Variants in ZFPM2 observed in about 807,000 individuals in gnomAD.
ZFPM2 encodes zinc finger protein, FOG family member 2.
ZFPM2 carries 20 observed loss-of-function variants against 98.6 expected under a neutral mutation model. The observed-to-expected ratio is 0.20, with a 90% CI of 0.14 to 0.29. ZFPM2 has a LOEUF of 0.29. ZFPM2 is among the 10% of genes least tolerant of loss of function. The pLI is 1.00. For missense variants in ZFPM2, 1,310 were observed against 1,388.6 expected (o/e 0.94, Z 0.90); for synonymous variants, 518 against 502.7 (o/e 1.03, Z -0.41).
At chr8:105,673,187 C>CTTTTTTT (rs5893754) in intron 5 of ZFPM2, among the ~76,000 whole-genome samples, 4 of 87,524 alleles carry the variant, frequency 4.6e-5, no homozygotes, top group Admixed American at 1.4e-4. Context: ...AAATAGCATG[C>CTTTTTTT]TTTTTTTTTT....
At chr8:105,637,886 A>G (rs1193287014) in intron 5 of ZFPM2, among the ~76,000 whole-genome samples, 1 of 152,030 alleles carries the variant, frequency 6.6e-6, no homozygotes, top group African/African-American at 2.4e-5. Flanking sequence ...TGCCTATATT[A>G]TTTATTAATT....
At chr8:105,737,119 C>G (rs536671444) in intron 5 of ZFPM2, among the ~76,000 whole-genome samples, 1 of 152,072 alleles carries the variant, frequency 6.6e-6, no homozygotes, top group African/African-American at 2.4e-5. Flanking sequence ...CCATGTCAGA[C>G]TTGGAGAACA....
intron 1 of ZFPM2, among the ~76,000 whole-genome samples, chr8:105,358,963 G>GA (rs1812802552): frequency 6.6e-6 from 1 of 151,848 alleles, no homozygotes; most frequent in Non-Finnish European, 1.5e-5. Context: ...AAAAAGAAAA[G>GA]AAAAAAGAGC....
At chr8:105,362,802 T>C (rs186739850) in intron 1 of ZFPM2, among the ~76,000 whole-genome samples, 193 of 152,260 alleles carry the variant, frequency 1.3e-3, no homozygotes, top group African/African-American at 4.6e-3. Flanking sequence ...ATGTTACTGA[T>C]TGATTGCTAG....
chr8:105,801,341 T>C lies in ZFPM2; in HGVS notation c.1259T>C (p.Leu420Pro). The change falls in exon 8 of 8, where the codon CTT (leucine) becomes CCT (proline). Residue 420 changes from leucine (L) to proline (P), a missense_variant. By Grantham distance (98) the Leu-to-Pro change is moderately conservative. Transcript: ENST00000407775. ...PATDLLTRSE[L>P]PQSQKAMQTK... is the part of the protein sequence containing the mutation. The stretch of plus-strand genomic sequence containing the variant: ...ACAGACTTATTGACCAGAAGCGAAC[T>C]TCCCCAGAGCCAAAAGGCCATGCAG... 1 of 1,613,912 alleles carries C rather than the reference T, an allele frequency of 6.2e-7. No individual in the cohort carries two copies. Among genetic ancestry groups the C allele is most frequent in the Non-Finnish European group, 8.5e-7 (1 of 1,179,874 alleles).
intron 5 of ZFPM2, among the ~76,000 whole-genome samples, chr8:105,655,716 G>A (rs1817272381): frequency 6.6e-6 from 1 of 152,172 alleles, no homozygotes; most frequent in African/African-American, 2.4e-5. Flanking sequence ...TCAGAAGAGT[G>A]TCTATGGAAG....
chr8:105,437,819 G>A (rs1295924379), intron 2 of ZFPM2, among the ~76,000 whole-genome samples: 1 of 152,106 alleles, frequency 6.6e-6, no homozygotes, highest in Non-Finnish European at 1.5e-5. Context: ...CGGGTGAGTG[G>A]ATCACCAGAG....
intron 1 of ZFPM2, among the ~76,000 whole-genome samples, chr8:105,361,406 C>T (rs923400156): frequency 1.2e-4 from 18 of 149,242 alleles, no homozygotes; most frequent in African/African-American, 4.4e-4. Flanking sequence ...CGAAAATTTT[C>T]TCCCATTTTG....
At chr8:105,514,328 T>C (rs1307563506) in intron 3 of ZFPM2, among the ~76,000 whole-genome samples, 1 of 102,736 alleles carries the variant, frequency 9.7e-6, no homozygotes, top group Non-Finnish European at 2.1e-5. Flanking sequence ...TTTTTTTTTT[T>C]TTTTTTTTAA....
chr8:105,507,804 C>T (rs1198493646), intron 3 of ZFPM2, among the ~76,000 whole-genome samples: 1 of 152,102 alleles, frequency 6.6e-6, no homozygotes, highest in African/African-American at 2.4e-5. Context: ...GTAACCCCAC[C>T]ACTCCCTCCA....
intron 5 of ZFPM2, among the ~76,000 whole-genome samples, chr8:105,667,921 T>C (rs1453402174): frequency 1.3e-5 from 2 of 152,218 alleles, no homozygotes; most frequent in Non-Finnish European, 1.5e-5. Context: ...TAGAATGATA[T>C]TGCTAGATAA....
At chr8:105,594,141 C>T (rs1815913552) in intron 4 of ZFPM2, among the ~76,000 whole-genome samples, 1 of 152,056 alleles carries the variant, frequency 6.6e-6, no homozygotes, top group African/African-American at 2.4e-5. Flanking sequence ...ATCTTTAAAC[C>T]TAAATGCCTG....
intron 3 of ZFPM2, among the ~76,000 whole-genome samples, chr8:105,489,492 C>A (rs1441085716): frequency 4.4e-5 from 5 of 113,526 alleles, no homozygotes; most frequent in Non-Finnish European, 8.2e-5. Flanking sequence ...GAGATGGAAT[C>A]TCACTTTGTT....
intron 4 of ZFPM2, among the ~76,000 whole-genome samples, chr8:105,571,424 G>A (rs1815352056): frequency 6.6e-6 from 1 of 152,230 alleles, no homozygotes; most frequent in Non-Finnish European, 1.5e-5. Flanking sequence ...ATCTTGAAAT[G>A]TAGTTTTCCC....
At chr8:105,452,171 T>C (rs2130257045) in intron 3 of ZFPM2, among the ~76,000 whole-genome samples, 1 of 152,324 alleles carries the variant, frequency 6.6e-6, no homozygotes, top group East Asian at 1.9e-4. Flanking sequence ...TTGGTTGGTC[T>C]ATATAAAATT....
At chr8:105,654,585 T>G (rs1405512860) in intron 5 of ZFPM2, among the ~76,000 whole-genome samples, 1 of 138,972 alleles carries the variant, frequency 7.2e-6, no homozygotes, top group African/African-American at 2.7e-5. Flanking sequence ...CTTTTTTTTT[T>G]TAAAAATGAA....
At chr8:105,358,314 C>T (rs2129745750) in intron 1 of ZFPM2, among the ~76,000 whole-genome samples, 1 of 151,352 alleles carries the variant, frequency 6.6e-6, no homozygotes, top group African/African-American at 2.4e-5. Context: ...AGTGCAGTGG[C>T]ATGATCTCAG....
At chr8:105,682,674 G>A (rs567125891) in intron 5 of ZFPM2, among the ~76,000 whole-genome samples, 133 of 152,194 alleles carry the variant, frequency 8.7e-4, no homozygotes, top group African/African-American at 3.0e-3. Context: ...GAGAAGAATG[G>A]CCAGAACTCA....
At chr8:105,781,216 C>A (rs552975596) in intron 5 of ZFPM2, among the ~76,000 whole-genome samples, 1 of 152,102 alleles carries the variant, frequency 6.6e-6, no homozygotes, top group African/African-American at 2.4e-5. Flanking sequence ...CAGTCAAGAT[C>A]GCCAGTCAGT....
Sources: gnomAD v4.1 joint callset for allele counts (sites outside exome capture counted in the v4.1 genomes callset) on GRCh38, gnomAD v4.1.1 for gene constraint, MANE v1.5 for transcripts, NCBI Gene and HGNC (gene_info 2026-07-23, HGNC 2026-07-21) for gene names.